RANBP2: variants seen among roughly 807,000 people sequenced by gnomAD.
RANBP2 encodes the protein RAN binding protein 2, also known as E3 SUMO-protein ligase RanBP2.
RANBP2 carries 57 observed loss-of-function variants against 303.6 expected under a neutral mutation model. That is an observed-to-expected ratio of 0.19 (90% CI 0.15 to 0.23). The LOEUF is 0.23. Ranked by LOEUF, RANBP2 falls within the 10% of genes least tolerant of loss-of-function variation. The pLI, the probability that RANBP2 is intolerant of heterozygous loss-of-function variation, is 1.00. For missense variants in RANBP2, 3,138 were observed against 3,780.8 expected (o/e 0.83, Z 4.46); for synonymous variants, 1,167 against 1,301.5 (o/e 0.90, Z 2.23).
the RANBP2 span, among the ~76,000 whole-genome samples, chr2:109,373,540 G>GAAGCCAGACATA: frequency 6.6e-6 from 1 of 152,190 alleles, no homozygotes; most frequent in Non-Finnish European, 1.5e-5. Context: ...ATTTTTGAAA[G>GAAGCCAGACATA]AAGCCAGACA....
the RANBP2 span, among the ~76,000 whole-genome samples, chr2:108,947,540 T>C: frequency 6.6e-6 from 1 of 152,198 alleles, no homozygotes; most frequent in Non-Finnish European, 1.5e-5. Flanking sequence ...ATACATACTC[T>C]GAAATCTAGG....
At chr2:108,993,570 G>C in the RANBP2 span, among the ~76,000 whole-genome samples, 1 of 152,130 alleles carries the variant, frequency 6.6e-6, no homozygotes, top group Non-Finnish European at 1.5e-5. Context: ...CCTAGATACC[G>C]GGAGATGAAA....
chr2:109,600,165 C>A, the RANBP2 span, among the ~76,000 whole-genome samples: 1 of 152,196 alleles, frequency 6.6e-6, no homozygotes, highest in African/African-American at 2.4e-5. Context: ...CAGATCCACA[C>A]GGTTCTGCAG....
chr2:109,671,841 T>A, the RANBP2 span, among the ~76,000 whole-genome samples: 38 of 152,176 alleles, frequency 2.5e-4, no homozygotes, highest in Non-Finnish European at 5.1e-4. Flanking sequence ...TTTTTCAAAT[T>A]TCATGAATCA....
chr2:109,330,377 G>A, the RANBP2 span, among the ~76,000 whole-genome samples: 1 of 151,860 alleles, frequency 6.6e-6, no homozygotes, highest in Admixed American at 6.6e-5. Flanking sequence ...TCTTGTCTTG[G>A]CATATCTCAG....
At chr2:109,117,407 C>T in the RANBP2 span, among the ~76,000 whole-genome samples, 14 of 152,318 alleles carry the variant, frequency 9.2e-5, no homozygotes, top group South Asian at 2.1e-4. Context: ...TAGCAATCAG[C>T]GAGACTCCAT....
the RANBP2 span, among the ~76,000 whole-genome samples, chr2:109,024,153 A>G: frequency 2.6e-5 from 4 of 152,176 alleles, 1 homozygote; most frequent in African/African-American, 9.6e-5. Flanking sequence ...TCGAACTCCC[A>G]ATCTCAGGTG....
chr2:108,724,411 TTTAC>T (rs1052663843), intron 1 of RANBP2, among the ~76,000 whole-genome samples: 2 of 152,190 alleles, frequency 1.3e-5, no homozygotes, highest in South Asian at 2.1e-4. Context: ...TTAAAATGTC[TTTAC>T]TTAATTTAGT....
the RANBP2 span, among the ~76,000 whole-genome samples, chr2:109,648,893 C>A: frequency 6.6e-6 from 1 of 152,114 alleles, no homozygotes; most frequent in African/African-American, 2.4e-5. Flanking sequence ...ACCTTGTGAT[C>A]CACCCATCTT....
the RANBP2 span, among the ~76,000 whole-genome samples, chr2:109,339,636 G>C: frequency 6.6e-6 from 1 of 152,188 alleles, no homozygotes; most frequent in African/African-American, 2.4e-5. Flanking sequence ...TGTTCCCTGG[G>C]AGGGATCAAG....
the RANBP2 span, among the ~76,000 whole-genome samples, chr2:109,629,438 A>G: frequency 6.7e-6 from 1 of 149,072 alleles, no homozygotes; most frequent in Non-Finnish European, 1.5e-5. Context: ...ATAACAATTA[A>G]CTTACAAGTA....
At chr2:109,339,163 G>A in the RANBP2 span, among the ~76,000 whole-genome samples, 2 of 151,928 alleles carry the variant, frequency 1.3e-5, no homozygotes, top group African/African-American at 4.8e-5. Context: ...GGTAGAGGAG[G>A]TGGACGGGTA....
chr2:109,035,284 C>T, the RANBP2 span, among the ~76,000 whole-genome samples: 1 of 152,118 alleles, frequency 6.6e-6, no homozygotes, highest in Admixed American at 6.6e-5. Flanking sequence ...GCATTAAAAC[C>T]TGAGTGTTGA....
chr2:108,869,939 C>T, the RANBP2 span, among the ~76,000 whole-genome samples: 1 of 152,166 alleles, frequency 6.6e-6, no homozygotes, highest in African/African-American at 2.4e-5. Context: ...CAAAATAAAT[C>T]TTCAGAAACT....
the RANBP2 span, among the ~76,000 whole-genome samples, chr2:109,217,144 C>T: frequency 4.6e-5 from 7 of 152,316 alleles, no homozygotes; most frequent in African/African-American, 1.7e-4. Flanking sequence ...TTCCATCGTA[C>T]GGTCATCCAC....
the RANBP2 span, among the ~76,000 whole-genome samples, chr2:109,115,669 C>G: frequency 6.6e-6 from 1 of 152,168 alleles, no homozygotes; most frequent in Non-Finnish European, 1.5e-5. Flanking sequence ...TTGATCCTGT[C>G]ATTTTGATGT....
intron 1 of RANBP2, among the ~76,000 whole-genome samples, chr2:108,725,444 C>T (rs1359248450): frequency 6.6e-6 from 1 of 152,110 alleles, no homozygotes; most frequent in African/African-American, 2.4e-5. Context: ...GGCATTGTAC[C>T]TTGAATCTAT....
At chr2:109,604,120 C>T in the RANBP2 span, among the ~76,000 whole-genome samples, 1 of 147,422 alleles carries the variant, frequency 6.8e-6, no homozygotes, top group African/African-American at 2.5e-5. Flanking sequence ...CGAGATCATG[C>T]CACTGCACTC....
At chr2:109,306,618 A>T in the RANBP2 span, among the ~76,000 whole-genome samples, 1 of 152,226 alleles carries the variant, frequency 6.6e-6, no homozygotes, top group African/African-American at 2.4e-5. Context: ...ACCCACTGTT[A>T]TGCAAGTATC....
Sources: allele counts gnomAD v4.1 joint callset (sites outside exome capture counted in the v4.1 genomes callset), GRCh38; gene constraint gnomAD v4.1.1; transcripts MANE v1.5; gene names NCBI Gene and HGNC (gene_info 2026-07-23, HGNC 2026-07-21).